PPP1R3G: variants seen among roughly 807,000 people sequenced by gnomAD.
PPP1R3G encodes the protein protein phosphatase 1 regulatory subunit 3G, also known as protein phosphatase 1, regulatory (inhibitor) subunit 3G.
Under a neutral mutation model 2.0 loss-of-function variants are expected in PPP1R3G, and 3 were observed. The ratio of observed to expected loss-of-function variants is 1.47; its 90% CI spans 0.67 to 3.81. PPP1R3G has a LOEUF of 3.81. Ranked by LOEUF, PPP1R3G falls within the 30% of genes most tolerant of loss-of-function variation. The pLI is 0.02. For synonymous variants in PPP1R3G, 267 were observed against 250.9 expected (o/e 1.06, Z -0.61); for missense variants, 595 against 517.0 (o/e 1.15, Z -1.46).
At position 5,088,834 on chromosome 6, in the gene PPP1R3G, A is replaced by G. The variant is rs1762114802; in HGVS notation, c.*2272A>G. On this transcript the variant is annotated 3_prime_UTR_variant, in exon 1 of 1. Transcript: ENST00000405617. ...TGAAAAGTGCGGTTATCATTGTGTC[A>G]GGCAGGGGAATCTACCTGTTGCCTT... is the stretch of plus-strand genomic sequence containing the variant. 6.6e-6 allele frequency: 1 copy of G among 152,252 alleles called. No individual in the cohort carries two copies. The highest frequency in any genetic ancestry group is 2.4e-5 in the African/African-American group (1 of 41,478). The allele number at this position is 152,252 out of a possible 1,614,324, so 9.4% of individuals were successfully genotyped here. A position where few individuals can be genotyped will look rare whatever the true frequency, so the allele number is the denominator to read the frequency against.
Position 5,085,715 on chromosome 6 carries a change from G to A in PPP1R3G, c.230G>A (p.Arg77His), listed in dbSNP as rs1200204997. The change falls in exon 1 of 1, where the codon CGC becomes CAC. Residue 77 changes from arginine to histidine, a missense_variant. Physicochemically the swap from Arg to His is conservative, Grantham distance 29 (BLOSUM62 0). Coordinates refer to ENST00000405617, the MANE Select transcript of PPP1R3G (RefSeq NM_001145115.3). The part of the protein sequence containing the change: ...PQEQEELLEC[R>H]RRCRARSFSL... ...GAGCAGGAGGAGCTGCTGGAATGCC[G>A]CCGCCGCTGCCGCGCGCGCTCCTTT... 2.8e-5 allele frequency: 43 copies of A among 1,545,666 alleles called. No individual in the cohort carries two copies. The highest frequency in any genetic ancestry group is 3.8e-5 in the Non-Finnish European group (43 of 1,145,662).
In PPP1R3G at chr6:5,088,857, CTTCT is replaced by C. The variant is rs999172389; in HGVS notation, c.*2299_*2302del. 4 of 152,300 alleles carry C rather than the reference CTTCT, an allele frequency of 2.6e-5. No homozygotes were observed. Among genetic ancestry groups the C allele is most frequent in the Admixed American group, 1.3e-4 (2 of 15,292 alleles). 9.4% of individuals were successfully genotyped at this position (152,300 alleles called of 1,614,324 possible). A position where few individuals can be genotyped will look rare whatever the true frequency, so the allele number is the denominator to read the frequency against. On this transcript the variant is annotated 3_prime_UTR_variant, in exon 1 of 1. Coordinates refer to ENST00000405617, the MANE Select transcript of PPP1R3G (RefSeq NM_001145115.3). ...TCAGGCAGGGGAATCTACCTGTTGC[CTTCT>C]TTCACCTAAAAAAATAGTAACACAT...
At position 5,087,429 on chromosome 6, in the gene PPP1R3G, C is replaced by T. The variant is rs1476497181; in HGVS notation, c.*867C>T. On this transcript the variant is annotated 3_prime_UTR_variant, in exon 1 of 1. Coordinates refer to ENST00000405617, the MANE Select transcript of PPP1R3G (RefSeq NM_001145115.3). ...GTTCTGTAGAAAGTGTTCCGTCCCC[C>T]TCCGAATTAAGACGTTTGGTGAATT... The T allele has an allele frequency of 6.6e-6, 1 of 152,278 alleles. No individual in the cohort carries two copies. The highest frequency in any genetic ancestry group is 1.5e-5 in the Non-Finnish European group (1 of 68,076). The allele number at this position is 152,278 out of a possible 1,614,324, so 9.4% of individuals were successfully genotyped here.
In PPP1R3G at chr6:5,085,708, G is replaced by C; in HGVS notation, c.223G>C (p.Glu75Gln). The C allele has an allele frequency of 6.5e-7, 1 of 1,546,986 alleles. No individual in the cohort carries two copies. The highest frequency in any genetic ancestry group is 8.7e-7 in the Non-Finnish European group (1 of 1,145,942). The change falls in exon 1 of 1, where the codon GAA becomes CAA. Residue 75 changes from glutamate (E) to glutamine (Q), a missense_variant. Physicochemically the swap from Glu to Gln is conservative, Grantham distance 29. Transcript: ENST00000405617. Reference protein sequence around the residue: ...AAPQEQEELLECRRRCRARSF... With the variant: ...AAPQEQEELLQCRRRCRARSF... ...CCCCCAGGAGCAGGAGGAGCTGCTG[G>C]AATGCCGCCGCCGCTGCCGCGCGCG...
In PPP1R3G at chr6:5,086,264, TCCTGGACGTG is replaced by T; in HGVS notation, c.782_791del (p.Leu261ArgfsTer108). 2 of 1,535,472 alleles carry T rather than the reference TCCTGGACGTG, an allele frequency of 1.3e-6. No homozygotes were observed. Among genetic ancestry groups the T allele is most frequent in the Non-Finnish European group, 1.7e-6 (2 of 1,146,684 alleles). On this transcript the variant is annotated frameshift_variant, in exon 1 of 1. Coordinates refer to ENST00000405617, the MANE Select transcript of PPP1R3G (RefSeq NM_001145115.3). LOFTEE classifies it low-confidence loss of function (END_TRUNC). The stretch of plus-strand genomic sequence containing the variant: ...TACACCTTTACCGAGTGGCGCTCCT[TCCTGGACGTG>T]CCGGCTGAGCTGCAGCCCGAGCCGC...
rs1431899831 is a variant in PPP1R3G at position 5,089,191 on chromosome 6, C to CG, written c.*2630dup. On this transcript the variant is annotated 3_prime_UTR_variant, in exon 1 of 1. Coordinates refer to ENST00000405617, the MANE Select transcript of PPP1R3G (RefSeq NM_001145115.3). ...TCATATATGCTTATAAAAACTTTGA[C>CG]GAAAAATAAATGATAAAATGAAACA... is the stretch of plus-strand genomic sequence containing the variant. The CG allele has an allele frequency of 6.6e-6, 1 of 151,838 alleles. No individual in the cohort carries two copies. The highest frequency in any genetic ancestry group is 1.9e-4 in the East Asian group (1 of 5,196). 9.4% of individuals were successfully genotyped at this position (151,838 alleles called of 1,614,324 possible).
Position 5,085,544 on chromosome 6 carries a change from AG to A in PPP1R3G, c.61del (p.Ala21ProfsTer34), listed in dbSNP as rs756846870. On this transcript the variant is annotated frameshift_variant, in exon 1 of 1. Transcript: ENST00000405617. LOFTEE classifies it low-confidence loss of function (END_TRUNC). Reference sequence around the variant, plus strand: ...GCGCCGGGACCAGCGCCCTTCCGAGAGGCCCCGCCGGCCGAGGAGCTGCCCG... The same window carrying A: ...GCGCCGGGACCAGCGCCCTTCCGAGAGCCCCGCCGGCCGAGGAGCTGCCCG... The part of the protein sequence containing the change: ...LEAPGPAPFR[E>X]APPAEELPAP... The A allele has an allele frequency of 2.0e-4, 305 of 1,540,340 alleles. No homozygotes were observed. In the Middle Eastern group the frequency reaches 3.4e-3, roughly 17 times the overall value.
Position 5,086,951 on chromosome 6 carries a change from T to G in PPP1R3G, c.*389T>G. On this transcript the variant is annotated 3_prime_UTR_variant, in exon 1 of 1. Coordinates refer to ENST00000405617, the MANE Select transcript of PPP1R3G (RefSeq NM_001145115.3). ...GATTGGTTTTTAACTCTAAATATCA[T>G]ATTGTAGCCCTTGCAGTTTGCTGGA... The G allele has an allele frequency of 4.9e-6, 1 of 203,402 alleles. No homozygotes were observed. The highest frequency in any genetic ancestry group is 9.9e-6 in the Non-Finnish European group (1 of 101,210). 12.6% of individuals were successfully genotyped at this position (203,402 alleles called of 1,614,324 possible). A position where few individuals can be genotyped will look rare whatever the true frequency, so the allele number is the denominator to read the frequency against.
Position 5,085,415 on chromosome 6 carries a change from G to T in PPP1R3G, c.-71G>T. The T allele has an allele frequency of 8.6e-7, 1 of 1,167,322 alleles. No homozygotes were observed. The highest frequency in any genetic ancestry group is 1.2e-6 in the Non-Finnish European group (1 of 842,782). 72.3% of individuals were successfully genotyped at this position (1,167,322 alleles called of 1,614,324 possible). A position where few individuals can be genotyped will look rare whatever the true frequency, so the allele number is the denominator to read the frequency against. On this transcript the variant is annotated 5_prime_UTR_variant, in exon 1 of 1. Transcript: ENST00000405617. Reference sequence around the variant, plus strand: ...AACTGCAGCCCTGCGCTCCTTCCACGGCCCGAGGAGTTAGTTAAGTCTCCA... The same window carrying T: ...AACTGCAGCCCTGCGCTCCTTCCACTGCCCGAGGAGTTAGTTAAGTCTCCA...
Position 5,086,340 on chromosome 6 carries a change from G to T in PPP1R3G, c.855G>T (p.Glu285Asp). The T allele has an allele frequency of 1.3e-6, 2 of 1,535,870 alleles. No individual in the cohort carries two copies. Among genetic ancestry groups the T allele is most frequent in the South Asian group, 1.2e-5 (1 of 84,060 alleles). Reference sequence around the variant, plus strand: ...CAGAGGCACCGTCTGGGGCCTCCGAGCCAGGGTCCGGGGATGCCAAGAAAG... The same window carrying T: ...CAGAGGCACCGTCTGGGGCCTCCGATCCAGGGTCCGGGGATGCCAAGAAAG... ...QQPEAPSGAS[E>D]PGSGDAKKEP... Residue 285 changes from glutamate (E) to aspartate (D), a missense_variant, in exon 1 of 1, where the codon GAG (glutamate) becomes GAT (aspartate). By Grantham distance (45) the Glu-to-Asp change is conservative. Transcript: ENST00000405617.
rs562375020 is a variant in PPP1R3G, at chr6:5,085,530, A to G, written c.45A>G (p.Pro15=). 3,156 of 1,539,262 alleles carry G rather than the reference A, an allele frequency of 2.1e-3. 56 individuals carry two copies. The African/African-American group carries it at 0.038, about 18-fold the overall frequency. The change falls in exon 1 of 1, where the codon CCA becomes CCG. Residue 15 remains proline (P), a synonymous_variant. Coordinates refer to ENST00000405617, the MANE Select transcript of PPP1R3G (RefSeq NM_001145115.3). ...GGCTAAGTTTGGAGGCGCCGGGACC[A>G]GCGCCCTTCCGAGAGGCCCCGCCGG... The part of the protein sequence containing the change: ...GARLSLEAPG[P]APFREAPPAE...
Position 5,088,585 on chromosome 6 carries a change from C to G in PPP1R3G, c.*2023C>G, listed in dbSNP as rs1461440418. On this transcript the variant is annotated 3_prime_UTR_variant, in exon 1 of 1. Transcript: ENST00000405617. ...AGAGTGGAGTAGACACAGCAGAGACCAGATGGCAAAGTGTAAAATATTTAC... is the reference window on the plus strand; with the variant it reads ...AGAGTGGAGTAGACACAGCAGAGACGAGATGGCAAAGTGTAAAATATTTAC... 1 of 152,176 alleles carries G rather than the reference C, an allele frequency of 6.6e-6. No individual in the cohort carries two copies. The highest frequency in any genetic ancestry group is 1.9e-4 in the East Asian group (1 of 5,198). The allele number at this position is 152,176 out of a possible 1,614,324, so 9.4% of individuals were successfully genotyped here.
In PPP1R3G at chr6:5,086,496, G is replaced by C. The variant is rs374425685; in HGVS notation, c.1011G>C (p.Glu337Asp). ...TCTGCTACCGCTGCGCGCAGGGCGA[G>C]TACTGGGACAACAACGCGGGCGCCA... ...FAVCYRCAQGEYWDNNAGANY... is the reference protein window; with the variant it reads ...FAVCYRCAQGDYWDNNAGANY... Residue 337 changes from glutamate to aspartate, a missense_variant, in exon 1 of 1, where the codon GAG becomes GAC. Transcript: ENST00000405617. 1.3e-6 allele frequency: 2 copies of C among 1,536,190 alleles called. No homozygotes were observed. Among genetic ancestry groups the C allele is most frequent in the African/African-American group, 2.7e-5 (2 of 73,102 alleles).
chr6:5,086,300 T>C lies in PPP1R3G; in HGVS notation c.815T>C (p.Leu272Pro), dbSNP rs1762016219. 6.5e-7 allele frequency: 1 copy of C among 1,535,600 alleles called. No individual in the cohort carries two copies. Among genetic ancestry groups the C allele is most frequent in the Non-Finnish European group, 8.7e-7 (1 of 1,146,702 alleles). ...CCGGCTGAGCTGCAGCCCGAGCCGC[T>C]GGAGCCACAGCAGCCAGAGGCACCG... ...DVPAELQPEP[L>P]EPQQPEAPSG... The change falls in exon 1 of 1, where the codon CTG becomes CCG. Residue 272 changes from leucine to proline, a missense_variant. Physicochemically the swap from Leu to Pro is moderately conservative, Grantham distance 98. Coordinates refer to ENST00000405617, the MANE Select transcript of PPP1R3G (RefSeq NM_001145115.3).
At position 5,088,522 on chromosome 6, in the gene PPP1R3G, T is replaced by C. The variant is rs187950489; in HGVS notation, c.*1960T>C. On this transcript the variant is annotated 3_prime_UTR_variant, in exon 1 of 1. Transcript: ENST00000405617. The stretch of plus-strand genomic sequence containing the variant: ...ACTGGAACACAGCCGTGCACACTCA[T>C]TTCTGTCTTCTCTGTGCTGCTTCCA... 18 of 152,372 alleles carry C rather than the reference T, an allele frequency of 1.2e-4. No individual in the cohort carries two copies. The highest frequency in any genetic ancestry group is 5.9e-4 in the Admixed American group (9 of 15,306). 9.4% of individuals were successfully genotyped at this position (152,372 alleles called of 1,614,324 possible). A position where few individuals can be genotyped will look rare whatever the true frequency, so the allele number is the denominator to read the frequency against.
At position 5,088,724 on chromosome 6, in the gene PPP1R3G, T is replaced by C. The variant is rs1762110782; in HGVS notation, c.*2162T>C. ...AAAGCATTTAGACTTTAGTGAGCTT[T>C]TGCCACTTGAAATAAACCCCCTTTG... is the stretch of plus-strand genomic sequence containing the variant. On this transcript the variant is annotated 3_prime_UTR_variant, in exon 1 of 1. Transcript: ENST00000405617. The C allele has an allele frequency of 6.6e-6, 1 of 152,262 alleles. No individual in the cohort carries two copies. Among genetic ancestry groups the C allele is most frequent in the Non-Finnish European group, 1.5e-5 (1 of 68,048 alleles). The allele number at this position is 152,262 out of a possible 1,614,324, so 9.4% of individuals were successfully genotyped here.
Position 5,088,944 on chromosome 6 carries a change from A to G in PPP1R3G, c.*2382A>G, listed in dbSNP as rs1762118514. The G allele has an allele frequency of 6.6e-6, 1 of 152,236 alleles. No homozygotes were observed. The allele number at this position is 152,236 out of a possible 1,614,324, so 9.4% of individuals were successfully genotyped here. ...TGGCTTCAAACTACAAAGCTGCCAGATATTTCTCTGTGCTTCAAAATGTGG... is the reference window on the plus strand; with the variant it reads ...TGGCTTCAAACTACAAAGCTGCCAGGTATTTCTCTGTGCTTCAAAATGTGG... On this transcript the variant is annotated 3_prime_UTR_variant, in exon 1 of 1. Transcript: ENST00000405617.
At position 5,085,847 on chromosome 6, in the gene PPP1R3G, C is replaced by T. The variant is rs976782764; in HGVS notation, c.362C>T (p.Pro121Leu). Residue 121 changes from proline to leucine, a missense_variant, in exon 1 of 1, where the codon CCG (proline) becomes CTG (leucine). Physicochemically the swap from Pro to Leu is moderately conservative, Grantham distance 98. Coordinates refer to ENST00000405617, the MANE Select transcript of PPP1R3G (RefSeq NM_001145115.3). ...GGGGCGGAGGACGCACAGCTCGGCCCGGGCGGCTGCTGCGCCAAGTGCAAG... is the reference window on the plus strand; with the variant it reads ...GGGGCGGAGGACGCACAGCTCGGCCTGGGCGGCTGCTGCGCCAAGTGCAAG... ...GEGAEDAQLG[P>L]GGCCAKCKKR... 6.5e-6 allele frequency: 10 copies of T among 1,529,256 alleles called. No homozygotes were observed. In the South Asian group the frequency reaches 9.6e-5, roughly 15 times the overall value. The allele number at this position is 1,529,256 out of a possible 1,614,324, so 94.7% of individuals were successfully genotyped here. A position where few individuals can be genotyped will look rare whatever the true frequency, so the allele number is the denominator to read the frequency against.
In PPP1R3G at chr6:5,088,016, G is replaced by T. The variant is rs187621848; in HGVS notation, c.*1454G>T. ...GGGCATACGTACATTTGGCCCATGG[G>T]CCAAATTTGGCACACAGCTTATTCT... is the stretch of plus-strand genomic sequence containing the variant. On this transcript the variant is annotated 3_prime_UTR_variant, in exon 1 of 1. Coordinates refer to ENST00000405617, the MANE Select transcript of PPP1R3G (RefSeq NM_001145115.3). 1.3e-5 allele frequency: 2 copies of T among 152,238 alleles called. No homozygotes were observed. The highest frequency in any genetic ancestry group is 1.3e-4 in the Admixed American group (2 of 15,300). The allele number at this position is 152,238 out of a possible 1,614,324, so 9.4% of individuals were successfully genotyped here.
Sources: allele counts gnomAD v4.1 joint callset, GRCh38; gene constraint gnomAD v4.1.1; transcripts MANE v1.5; gene names NCBI Gene and HGNC (gene_info 2026-07-23, HGNC 2026-07-21).